HDAC4: variants seen among roughly 807,000 people sequenced by gnomAD.
HDAC4 encodes histone deacetylase 4.
A neutral mutation model predicts 135.1 loss-of-function variants in HDAC4; 16 were observed. That is an observed-to-expected ratio of 0.12 (90% CI 0.08 to 0.18). The LOEUF is 0.18. HDAC4 is among the 10% of genes least tolerant of loss of function. The pLI is 1.00. For missense variants in HDAC4, 1,143 were observed against 1,511.8 expected (o/e 0.76, Z 4.05); for synonymous variants, 685 against 653.4 (o/e 1.05, Z -0.74).
chr2:239,127,717 C>T (rs947222019), intron 11 of HDAC4, among the ~76,000 whole-genome samples: 4 of 152,240 alleles, frequency 2.6e-5, no homozygotes, highest in South Asian at 2.1e-4. Context: ...ACTCGGCATC[C>T]GCCTGAGGCA....
intron 2 of HDAC4, among the ~76,000 whole-genome samples, chr2:239,242,263 G>A (rs1035357038): frequency 1.4e-5 from 2 of 142,426 alleles, no homozygotes; most frequent in African/African-American, 2.6e-5. Context: ...GGAGGGAAAC[G>A]AACAGTGCCT....
intron 20 of HDAC4, among the ~76,000 whole-genome samples, 191 bp downstream of exon 20, chr2:239,083,964 G>A (rs567970188): frequency 6.6e-6 from 1 of 152,354 alleles, no homozygotes; most frequent in African/African-American, 2.4e-5. Context: ...ATTCGCCAGG[G>A]TCGGCTGACG....
chr2:239,201,337 G>A (rs1406463687), intron 3 of HDAC4, among the ~76,000 whole-genome samples: 2 of 152,136 alleles, frequency 1.3e-5, no homozygotes, highest in Admixed American at 6.5e-5. Context: ...GAGAGGGCCT[G>A]GGTCCTAACC....
At chr2:239,354,075 A>G (rs1693335757) in intron 1 of HDAC4, among the ~76,000 whole-genome samples, 1 of 152,202 alleles carries the variant, frequency 6.6e-6, no homozygotes, top group South Asian at 2.1e-4. Context: ...ATGCCATCAC[A>G]CACAGACAAG....
At chr2:239,103,120 G>A (rs948726229) in intron 15 of HDAC4, among the ~76,000 whole-genome samples, 1 of 152,116 alleles carries the variant, frequency 6.6e-6, no homozygotes, top group Non-Finnish European at 1.5e-5. Flanking sequence ...TTATAGCTTT[G>A]AAAAAACACT....
At chr2:239,279,359 A>AT (rs1327150207) in intron 2 of HDAC4, among the ~76,000 whole-genome samples, 1 of 152,214 alleles carries the variant, frequency 6.6e-6, no homozygotes, top group African/African-American at 2.4e-5. Flanking sequence ...TTCACACTTG[A>AT]TCCCCTCAGC....
intron 15 of HDAC4, among the ~76,000 whole-genome samples, chr2:239,106,842 A>G (rs1403397185): frequency 1.3e-5 from 2 of 152,160 alleles, no homozygotes. Flanking sequence ...CATCTCTGCC[A>G]CAGCCACTTG....
chr2:239,355,332 C>A (rs1693423217), intron 1 of HDAC4, among the ~76,000 whole-genome samples: 1 of 152,224 alleles, frequency 6.6e-6, no homozygotes, highest in South Asian at 2.1e-4. Context: ...ACCGGTGACA[C>A]ATCTGTTGTT....
At chr2:239,081,239 C>T (rs1329801810) in intron 21 of HDAC4, 47 bp from the exon 22 acceptor site, 1 of 1,521,180 alleles carries the variant, frequency 6.6e-7, no homozygotes, top group South Asian at 1.2e-5. Context: ...CCGAGCGGGA[C>T]CTGTCTGACA....
chr2:239,067,588 C>T (rs552369525), intron 23 of HDAC4, among the ~76,000 whole-genome samples: 32 of 152,308 alleles, frequency 2.1e-4, no homozygotes, highest in South Asian at 8.3e-4. Context: ...TGCTCCGGGC[C>T]GGGTGCTGTG....
intron 5 of HDAC4, among the ~76,000 whole-genome samples, chr2:239,169,906 G>C (rs1436938999): frequency 6.6e-6 from 1 of 152,148 alleles, no homozygotes; most frequent in Non-Finnish European, 1.5e-5. Context: ...TCTAATCAAT[G>C]TGCCAGGAGC....
In HDAC4 at chr2:239,090,080, C is replaced by G; in HGVS notation, c.2317G>C (p.Ala773Pro). The G allele has an allele frequency of 6.2e-7, 1 of 1,613,866 alleles. No homozygotes were observed. ...SDTIWNEVHS[A>P]GAARLAVGCV... is the part of the protein sequence containing the mutation. ...CCCACAGCCAGGCGGGCTGCCCCCG[C>G]CGAGTGCACCTCGTTCCATATGGTG... The change falls in exon 18 of 27, where the codon GCG becomes CCG. Residue 773 changes from alanine (A) to proline (P), a missense_variant. Ala to Pro is a conservative substitution (Grantham distance 27, BLOSUM62 -1). Coordinates refer to ENST00000543185, the MANE Select transcript of HDAC4 (RefSeq NM_001378414.1).
At chr2:239,084,588 CAGAG>C (rs1222375011) in intron 19 of HDAC4, among the ~76,000 whole-genome samples, 1 of 151,276 alleles carries the variant, frequency 6.6e-6, no homozygotes, top group Non-Finnish European at 1.5e-5. Context: ...ACACCACAGA[CAGAG>C]ACACACACAC....
chr2:239,357,904 AAAAAAAAAAAAAAG>A (rs1209213663), intron 1 of HDAC4, among the ~76,000 whole-genome samples: 3 of 115,708 alleles, frequency 2.6e-5, no homozygotes, highest in Admixed American at 8.7e-5. Flanking sequence ...AAAAAAAAAA[AAAAAAAAAAAAAAG>A]AGAGTGGGAA....
chr2:239,261,211 G>C (rs2049344455), intron 2 of HDAC4, among the ~76,000 whole-genome samples: 1 of 152,218 alleles, frequency 6.6e-6, no homozygotes, highest in Admixed American at 6.5e-5. Context: ...AAGGCAAACA[G>C]AAAATCAAGA....
intron 1 of HDAC4, among the ~76,000 whole-genome samples, chr2:239,354,445 C>T (rs1245675303): frequency 1.3e-5 from 2 of 152,156 alleles, no homozygotes; most frequent in South Asian, 2.1e-4. Flanking sequence ...CAAGTCTCAG[C>T]ACTCCTACCA....
intron 24 of HDAC4, among the ~76,000 whole-genome samples, chr2:239,061,132 C>T (rs556011762): frequency 6.7e-6 from 1 of 149,344 alleles, no homozygotes; most frequent in African/African-American, 2.4e-5. Flanking sequence ...GGGAGTGTGA[C>T]TGAGTGTGAG....
At chr2:239,134,005 A>G (rs946751649) in intron 11 of HDAC4, among the ~76,000 whole-genome samples, 1 of 152,194 alleles carries the variant, frequency 6.6e-6, no homozygotes, top group South Asian at 2.1e-4. Context: ...GCCTCTCCCA[A>G]AAGGTGAGAA....
At position 239,167,271 on chromosome 2, in the gene HDAC4, G is replaced by C. The variant is rs998690006; in HGVS notation, c.491-3348C>G. Among the ~76,000 whole-genome samples the C allele has an allele frequency of 1.3e-5, 2 of 152,182 alleles. No individual in the cohort carries two copies. The highest frequency in any genetic ancestry group is 4.8e-5 in the African/African-American group (2 of 41,442). ...CCACGGGGGAGGGTGCGCACTCCAGGAACAGGACCCACTTTATGACCCACG... is the reference window on the plus strand; with the variant it reads ...CCACGGGGGAGGGTGCGCACTCCAGCAACAGGACCCACTTTATGACCCACG... On this transcript the variant is annotated intron_variant, in intron 5 of 26. Coordinates refer to ENST00000543185, the MANE Select transcript of HDAC4 (RefSeq NM_001378414.1). The surrounding 1 kb of genome is among the most constrained non-coding windows in gnomAD (Gnocchi z 4.1).
Sources: gnomAD v4.1 joint callset for allele counts (sites outside exome capture counted in the v4.1 genomes callset) on GRCh38, gnomAD v4.1.1 for gene constraint, Gnocchi (gnomAD v3.1) non-coding constraint, MANE v1.5 for transcripts, NCBI Gene and HGNC (gene_info 2026-07-23, HGNC 2026-07-21) for gene names.